LRRC69: variants seen among roughly 807,000 people sequenced by gnomAD.
The protein encoded by LRRC69 is leucine-rich repeat-containing protein 69.
In LRRC69, 42 loss-of-function variants were observed where a neutral mutation model predicts 37.8. That is an observed-to-expected ratio of 1.11 (90% CI 0.87 to 1.44). The LOEUF (loss-of-function observed/expected upper bound fraction) is 1.44. Among genes scored for constraint, LRRC69 ranks in the 40% most tolerant of loss-of-function variants. The pLI, the probability that LRRC69 is intolerant of heterozygous loss-of-function variation, is 0.00. For missense variants in LRRC69, 357 were observed against 401.9 expected (o/e 0.89, Z 0.96); for synonymous variants, 141 against 143.1 (o/e 0.99, Z 0.11).
chr8:91,171,072 C>T (rs1809119503), intron 5 of LRRC69, among the ~76,000 whole-genome samples: 1 of 151,350 alleles, frequency 6.6e-6, no homozygotes, highest in African/African-American at 2.4e-5. Flanking sequence ...ACAAACAACC[C>T]CATCAAAAAG....
intron 1 of LRRC69, among the ~76,000 whole-genome samples, chr8:91,111,462 G>A (rs1304445467): frequency 1.3e-5 from 2 of 152,042 alleles, no homozygotes; most frequent in East Asian, 3.9e-4. Context: ...TGAACTCAGA[G>A]GGTGGAGGTT....
chr8:91,143,533 C>G (rs976003489), intron 5 of LRRC69, among the ~76,000 whole-genome samples: 4 of 151,864 alleles, frequency 2.6e-5, no homozygotes, highest in Non-Finnish European at 5.9e-5. Flanking sequence ...AGTTAAGAAT[C>G]TTAAGTATTT....
In LRRC69 at chr8:91,174,843, C is replaced by T. The variant is rs143377423; in HGVS notation, c.652-14679C>T. Among the ~76,000 whole-genome samples the T allele has an allele frequency of 2.9e-3, 448 of 152,212 alleles. 3 individuals are homozygous for T. The highest frequency in any genetic ancestry group is 6.8e-3 in the Middle Eastern group (2 of 294). Reference sequence around the variant, plus strand: ...GGTTGAAAGAACATCACTAGGTATACGGCTCTCCTATCCAGTGGAGAGGTG... The same window carrying T: ...GGTTGAAAGAACATCACTAGGTATATGGCTCTCCTATCCAGTGGAGAGGTG... On this transcript the variant is annotated intron_variant, in intron 5 of 7. Transcript: ENST00000448384.
At chr8:91,185,056 G>GCT in intron 5 of LRRC69, among the ~76,000 whole-genome samples, 1 of 152,190 alleles carries the variant, frequency 6.6e-6, no homozygotes, top group East Asian at 1.9e-4. Context: ...GCACACACAG[G>GCT]CAGGGTGGAA....
intron 6 of LRRC69, among the ~76,000 whole-genome samples, chr8:91,194,449 A>G (rs1809558273): frequency 6.6e-6 from 1 of 152,032 alleles, no homozygotes. Context: ...TACCTCTGGT[A>G]GAATTCGGCT....
At chr8:91,130,086 CT>C (rs1813783009) in intron 3 of LRRC69, among the ~76,000 whole-genome samples, 1 of 151,962 alleles carries the variant, frequency 6.6e-6, no homozygotes, top group African/African-American at 2.4e-5. Context: ...CCAGTGAATT[CT>C]TACCTCTCAT....
intron 5 of LRRC69, among the ~76,000 whole-genome samples, chr8:91,185,363 CTGTG>C (rs35797312): frequency 6.7e-6 from 1 of 150,326 alleles, no homozygotes; most frequent in Non-Finnish European, 1.5e-5. Context: ...CTCTCTCTAT[CTGTG>C]TGTGTGTGTG....
At chr8:91,172,698 A>G (rs1809154209) in intron 5 of LRRC69, among the ~76,000 whole-genome samples, 1 of 151,832 alleles carries the variant, frequency 6.6e-6, no homozygotes, top group African/African-American at 2.4e-5. Context: ...TATTTTTAGT[A>G]GAGACAGCGT....
intron 5 of LRRC69, chr8:91,138,660 G>A (rs1237253516): frequency 6.6e-6 from 1 of 151,496 alleles, no homozygotes; most frequent in Non-Finnish European, 1.5e-5. Flanking sequence ...TAAAAAATTG[G>A]ACTATTATAA....
chr8:91,141,187 G>A (rs887149373), intron 5 of LRRC69, among the ~76,000 whole-genome samples: 6 of 152,008 alleles, frequency 3.9e-5, no homozygotes, highest in South Asian at 2.1e-4. Context: ...CAACACTGTC[G>A]GTTGTTCAGT....
At chr8:91,215,696 C>T (rs1434398564) in intron 7 of LRRC69, among the ~76,000 whole-genome samples, 1 of 152,080 alleles carries the variant, frequency 6.6e-6, no homozygotes, top group Non-Finnish European at 1.5e-5. Flanking sequence ...ATTCACTGAC[C>T]TTGGCTTGAC....
intron 5 of LRRC69, among the ~76,000 whole-genome samples, chr8:91,145,142 C>T (rs542992599): frequency 9.2e-5 from 14 of 152,032 alleles, no homozygotes; most frequent in African/African-American, 1.2e-4. Flanking sequence ...GGGAAAGAAA[C>T]TCCTTGGGAA....
chr8:91,216,178 C>T (rs1226793253), intron 7 of LRRC69, among the ~76,000 whole-genome samples: 1 of 152,106 alleles, frequency 6.6e-6, no homozygotes, highest in Non-Finnish European at 1.5e-5. Context: ...ATTTAATAGA[C>T]TTCTAAAAAT....
intron 5 of LRRC69, among the ~76,000 whole-genome samples, chr8:91,177,491 T>C (rs1251957436): frequency 6.6e-6 from 1 of 152,196 alleles, no homozygotes; most frequent in Non-Finnish European, 1.5e-5. Flanking sequence ...AGAAGAATTA[T>C]AGTTCTACAT....
At chr8:91,156,827 C>T (rs1808844290) in intron 5 of LRRC69, among the ~76,000 whole-genome samples, 1 of 150,888 alleles carries the variant, frequency 6.6e-6, no homozygotes, top group Non-Finnish European at 1.5e-5. Flanking sequence ...TAGTTTCAAT[C>T]TTCTGTGTAT....
chr8:91,135,967 C>T (rs7846033), intron 5 of LRRC69, among the ~76,000 whole-genome samples: 102,230 of 151,738 alleles, frequency 0.67, 34,937 homozygotes, highest in Middle Eastern at 0.75. Context: ...ATTGCTATCA[C>T]AAATATTTTA....
At chr8:91,140,054 G>A (rs1225616342) in intron 5 of LRRC69, among the ~76,000 whole-genome samples, 1 of 136,262 alleles carries the variant, frequency 7.3e-6, no homozygotes, top group Non-Finnish European at 1.5e-5. Context: ...TTGCACCATT[G>A]CACTCCAGCT....
intron 5 of LRRC69, among the ~76,000 whole-genome samples, chr8:91,151,676 G>A (rs181388251): frequency 2.0e-5 from 3 of 151,552 alleles, no homozygotes; most frequent in East Asian, 3.9e-4. Context: ...GGGATTGCTG[G>A]GTCAAATGGT....
At chr8:91,183,395 G>T (rs1416345691) in intron 5 of LRRC69, among the ~76,000 whole-genome samples, 1 of 152,128 alleles carries the variant, frequency 6.6e-6, no homozygotes. Flanking sequence ...ATATTTAAGA[G>T]ATATTTAACA....
Sources: allele counts gnomAD v4.1 joint callset (sites outside exome capture counted in the v4.1 genomes callset), GRCh38; gene constraint gnomAD v4.1.1; transcripts MANE v1.5; gene names NCBI Gene and HGNC (gene_info 2026-07-23, HGNC 2026-07-21).